The following ANK3 variants were observed in gnomAD, a reference collection of about 807,000 sequenced individuals.
ANK3 encodes the protein ankyrin-3.
Under a neutral mutation model 370.9 loss-of-function variants are expected in ANK3, and 57 were observed. That is an observed-to-expected ratio of 0.15 (90% CI 0.12 to 0.19). The LOEUF (loss-of-function observed/expected upper bound fraction) is 0.19. ANK3 is among the 10% of genes least tolerant of loss of function. The pLI, the probability that ANK3 is intolerant of heterozygous loss-of-function variation, is 1.00. For synonymous variants in ANK3, 1,929 were observed against 1,946.3 expected (o/e 0.99, Z 0.23); for missense variants, 4,439 against 5,302.1 (o/e 0.84, Z 5.06).
rs2094461253 is a variant in ANK3, at chr10:60,139,037, G to C, written c.2665C>G (p.Leu889Val). The change falls in exon 24 of 44, where the codon CTT becomes GTT. Residue 889 changes from leucine (L) to valine (V), a missense_variant. Around this residue, in one of 13 missense-constraint regions of ANK3, gnomAD observed 702 missense variants for 941.5 expected, o/e 0.75. Coordinates refer to ENST00000280772, the MANE Select transcript of ANK3 (RefSeq NM_020987.5). Reference protein sequence around the residue: ...DTDKYLGPQDLKELGDDSLPA... With the variant: ...DTDKYLGPQDVKELGDDSLPA... ...AGGGAATCATCACCCAATTCCTTAAGGTCCTGTGGCCCAAGATATTTGTCT... is the reference window on the plus strand; with the variant it reads ...AGGGAATCATCACCCAATTCCTTAACGTCCTGTGGCCCAAGATATTTGTCT... 6.2e-7 allele frequency: 1 copy of C among 1,613,554 alleles called. No homozygotes were observed. The highest frequency in any genetic ancestry group is 8.5e-7 in the Non-Finnish European group (1 of 1,179,812).
intron 2 of ANK3, among the ~76,000 whole-genome samples, chr10:60,465,801 T>C (rs2064998921): frequency 6.6e-6 from 1 of 150,814 alleles, no homozygotes. Context: ...TTTTTTTTTT[T>C]TTTTTCAAAA....
intron 2 of ANK3, among the ~76,000 whole-genome samples, chr10:60,429,351 G>A (rs1475776620): frequency 6.6e-6 from 1 of 152,072 alleles, no homozygotes; most frequent in East Asian, 1.9e-4. Context: ...ACTTATATAA[G>A]GAGATGTGGA....
rs547490855 is a variant in ANK3, at chr10:60,614,041, T to A, written c.96+1145A>T. Reference sequence around the variant, plus strand: ...GTGAGCTAAGATCATACCACTGCACTCCAGCCTGGGCAACAGAGCAAGACT... The same window carrying A: ...GTGAGCTAAGATCATACCACTGCACACCAGCCTGGGCAACAGAGCAAGACT... On this transcript the variant is annotated intron_variant, in intron 2 of 43. Coordinates refer to the ANK3 transcript ENST00000373827. 5.8e-4 allele frequency among the ~76,000 whole-genome samples: 88 copies of A among 152,192 alleles called. 1 individual carries two copies. Among genetic ancestry groups the A allele is most frequent in the Middle Eastern group, 3.4e-3 (1 of 294 alleles).
chr10:60,092,384 T>C (rs1415392910), intron 28 of ANK3, among the ~76,000 whole-genome samples: 1 of 152,158 alleles, frequency 6.6e-6, no homozygotes, highest in Non-Finnish European at 1.5e-5. Context: ...AAATAGAAAC[T>C]TGTAGAATGA....
chr10:60,671,085 G>A (rs2079059329), intron 1 of ANK3, among the ~76,000 whole-genome samples: 1 of 152,134 alleles, frequency 6.6e-6, no homozygotes, highest in Non-Finnish European at 1.5e-5. Context: ...CCTTTCATAA[G>A]AGAAATAAAC....
At chr10:60,642,482 G>T (rs984388575) in intron 1 of ANK3, among the ~76,000 whole-genome samples, 3 of 152,084 alleles carry the variant, frequency 2.0e-5, no homozygotes, top group African/African-American at 7.2e-5. Context: ...GTCCTTTGTA[G>T]GGACATGGAT....
intron 1 of ANK3, among the ~76,000 whole-genome samples, chr10:60,344,095 C>A (rs774431029): frequency 1.4e-4 from 22 of 152,230 alleles, no homozygotes; most frequent in Admixed American, 2.6e-4. Flanking sequence ...TAGAAGCAGG[C>A]CTTGCCTGCC....
intron 2 of ANK3, among the ~76,000 whole-genome samples, chr10:60,535,758 A>C (rs770343494): frequency 2.0e-5 from 3 of 152,076 alleles, no homozygotes; most frequent in Non-Finnish European, 4.4e-5. Flanking sequence ...CATAAAGTAC[A>C]GATATACATA....
chr10:60,028,852 T>C lies in ANK3; in HGVS notation c.*994A>G, dbSNP rs1037483537. ...CCCACCCCCTAAAGCAACTACCGTA[T>C]AGGTTATTTTTTTTTGTTGTTTTTA... On this transcript the variant is annotated 3_prime_UTR_variant, in exon 44 of 44. Coordinates refer to ENST00000280772, the MANE Select transcript of ANK3 (RefSeq NM_020987.5). 6.7e-6 allele frequency: 1 copy of C among 148,174 alleles called. No individual in the cohort carries two copies. Among genetic ancestry groups the C allele is most frequent in the African/African-American group, 2.5e-5 (1 of 40,114 alleles). 9.2% of individuals were successfully genotyped at this position (148,174 alleles called of 1,614,324 possible).
intron 2 of ANK3, among the ~76,000 whole-genome samples, chr10:60,568,093 A>G (rs1221398257): frequency 1.3e-5 from 2 of 152,230 alleles, no homozygotes; most frequent in Non-Finnish European, 2.9e-5. Context: ...TATTTAGAGT[A>G]TTACATAAAC....
chr10:60,465,679 A>G (rs1050237053), intron 2 of ANK3, among the ~76,000 whole-genome samples: 8 of 152,142 alleles, frequency 5.3e-5, no homozygotes, highest in African/African-American at 1.7e-4. Flanking sequence ...AGCCAGGGAC[A>G]TCTTCTCAAA....
intron 34 of ANK3, 136 bp from the exon 35 acceptor site, chr10:60,082,312 A>G: frequency 1.2e-6 from 1 of 835,540 alleles, no homozygotes. Flanking sequence ...AATTTTAAAA[A>G]AAGCCAACAA....
At chr10:60,390,989 C>T (rs528845992), upstream of ANK3, among the ~76,000 whole-genome samples, 10 of 152,284 alleles carry the variant, frequency 6.6e-5, no homozygotes, top group Non-Finnish European at 1.5e-4. Context: ...TGTTTGTCTG[C>T]TTCACAAAGA....
At chr10:60,434,617 G>T (rs2064112540) in intron 2 of ANK3, among the ~76,000 whole-genome samples, 1 of 152,210 alleles carries the variant, frequency 6.6e-6, no homozygotes, top group South Asian at 2.1e-4. Flanking sequence ...TGGCCTTCCT[G>T]CACTGCCACC....
intron 2 of ANK3, among the ~76,000 whole-genome samples, chr10:60,467,721 T>C (rs1016536320): frequency 5.3e-5 from 8 of 152,134 alleles, no homozygotes; most frequent in Non-Finnish European, 7.4e-5. Context: ...CAGTAAATCA[T>C]GTGAAGTATG....
At chr10:60,234,483 C>A (rs2097299268) in intron 8 of ANK3, among the ~76,000 whole-genome samples, 1 of 152,094 alleles carries the variant, frequency 6.6e-6, no homozygotes, top group African/African-American at 2.4e-5. Flanking sequence ...AAGCCAGGTA[C>A]CATTTAACTG....
Position 60,157,886 on chromosome 10 carries a change from A to AAGAGAGAGAGAG in ANK3, c.2614+8693_2614+8704dup, listed in dbSNP as rs59965251. ...GGAGAGACAGAGAGAGAGAGAGAAA[A>AAGAGAGAGAGAG]AGAGAGAGAGAGAGAGAGAGAGAGA... On this transcript the variant is annotated intron_variant, in intron 23 of 43. Coordinates refer to ENST00000280772, the MANE Select transcript of ANK3 (RefSeq NM_020987.5). Among the ~76,000 whole-genome samples, 267 of 132,856 alleles carry AAGAGAGAGAGAG rather than the reference A, an allele frequency of 2.0e-3. 6 individuals carry two copies. The East Asian group carries it at 0.031, about 16-fold the overall frequency. The allele number at this position is 132,856 out of a possible 152,430, so 87.2% of individuals were successfully genotyped here.
chr10:60,569,432 A>G (rs1401814150), intron 2 of ANK3, among the ~76,000 whole-genome samples: 1 of 152,246 alleles, frequency 6.6e-6, no homozygotes, highest in African/African-American at 2.4e-5. Context: ...AAGCAACATT[A>G]CAAGAGCACC....
At chr10:60,169,094 GGGTCTA>G (rs2095704220) in intron 21 of ANK3, among the ~76,000 whole-genome samples, 1 of 152,104 alleles carries the variant, frequency 6.6e-6, no homozygotes, top group South Asian at 2.1e-4. Flanking sequence ...TGATATTTCT[GGGTCTA>G]GGTCTTTGAG....
Sources: gnomAD v4.1 joint callset for allele counts (sites outside exome capture counted in the v4.1 genomes callset) on GRCh38, gnomAD v4.1.1 for gene constraint, gnomAD v4.1.1 regional missense constraint, MANE v1.5 for transcripts, NCBI Gene and HGNC (gene_info 2026-07-23, HGNC 2026-07-21) for gene names.